SLC6A16: variants seen among roughly 807,000 people sequenced by gnomAD.
The protein encoded by SLC6A16 is solute carrier family 6 member 16.
SLC6A16 carries 54 observed loss-of-function variants against 65.4 expected under a neutral mutation model. The ratio of observed to expected loss-of-function variants is 0.83; its 90% CI spans 0.66 to 1.04. The LOEUF (loss-of-function observed/expected upper bound fraction) is 1.04, where lower values mean the gene tolerates loss of function less well. Among genes scored for constraint, SLC6A16 ranks in the 50% least tolerant of loss-of-function variants. The pLI is 0.00. For missense variants in SLC6A16, 816 were observed against 914.0 expected (o/e 0.89, Z 1.38); for synonymous variants, 330 against 346.5 (o/e 0.95, Z 0.53).
the SLC6A16 span, chr19:49,335,976 A>G: frequency 1.6e-6 from 1 of 617,050 alleles, no homozygotes; most frequent in Non-Finnish European, 2.9e-6. This position sits in a 1 kb window ranked among gnomAD's most constrained non-coding sequence, Gnocchi z 4.6. Context: ...ACAAACAACA[A>G]TGATCATGAG....
chr19:49,339,181 G>T, the SLC6A16 span: 3 of 749,880 alleles, frequency 4.0e-6, no homozygotes, highest in South Asian at 5.0e-5. The surrounding 1 kb of genome is among the most constrained non-coding windows in gnomAD (Gnocchi z 4.5). Flanking sequence ...GGTGAAGCGA[G>T]GGTGCACTAG....
At chr19:49,322,816 G>GC in intron 1 of SLC6A16, among the ~76,000 whole-genome samples, 2 of 75,192 alleles carry the variant, frequency 2.7e-5, no homozygotes, top group African/African-American at 8.7e-5. Context: ...AGAATTAGTA[G>GC]CTTTTTTTTT....
chr19:49,327,042 G>C (rs567884269), upstream of SLC6A16, among the ~76,000 whole-genome samples: 4 of 149,692 alleles, frequency 2.7e-5, no homozygotes, highest in East Asian at 7.8e-4. Context: ...AAAGTGCTGC[G>C]ACAGAAAAGG....
intron 8 of SLC6A16, 72 bp downstream of exon 8, chr19:49,294,294 TA>T (rs1337099275): frequency 6.8e-7 from 1 of 1,460,254 alleles, no homozygotes; most frequent in Non-Finnish European, 9.4e-7. Context: ...CTGGTGCTAA[TA>T]AAAGCTAAAA....
chr19:49,339,723 C>A, the SLC6A16 span: 2 of 1,400,288 alleles, frequency 1.4e-6, no homozygotes, highest in Non-Finnish European at 1.8e-6. The surrounding 1 kb of genome is among the most constrained non-coding windows in gnomAD (Gnocchi z 4.5). Context: ...GCGAGCCGCA[C>A]GTGCCGGGCG....
At chr19:49,306,917 G>A (rs1970400434) in intron 7 of SLC6A16, among the ~76,000 whole-genome samples, 1 of 152,002 alleles carries the variant, frequency 6.6e-6, no homozygotes, top group Non-Finnish European at 1.5e-5. Context: ...TGACTTTTAT[G>A]ATGGTTACCT....
Position 49,292,971 on chromosome 19 carries a change from T to C in SLC6A16, c.1778+252A>G, listed in dbSNP as rs991425085. Among the ~76,000 whole-genome samples the C allele has an allele frequency of 2.6e-5, 4 of 152,218 alleles. No individual in the cohort carries two copies. The highest frequency in any genetic ancestry group is 9.6e-5 in the African/African-American group (4 of 41,454). On this transcript the variant is annotated intron_variant, in intron 10 of 11. Transcript: ENST00000335875. This position sits in a 1 kb window ranked among gnomAD's most constrained non-coding sequence, Gnocchi z 4.3. ...ATTGTCTCTCTAGACCACTAAAATG[T>C]AAGCTTTCTGAGAATAGGAATACTT...
chr19:49,322,198 G>C (rs1352693941), intron 1 of SLC6A16, among the ~76,000 whole-genome samples: 1 of 152,030 alleles, frequency 6.6e-6, no homozygotes. Context: ...AAAAATTTTT[G>C]AGCTAATAAA....
the SLC6A16 span, chr19:49,335,989 C>T: frequency 5.0e-6 from 3 of 599,770 alleles, no homozygotes; most frequent in Non-Finnish European, 8.9e-6. This position sits in a 1 kb window ranked among gnomAD's most constrained non-coding sequence, Gnocchi z 4.6. Context: ...ATCATGAGAG[C>T]CATTTCTCAA....
intron 1 of SLC6A16, among the ~76,000 whole-genome samples, chr19:49,313,385 G>A (rs1012070667): frequency 1.3e-4 from 20 of 151,926 alleles, no homozygotes; most frequent in Admixed American, 9.2e-4. Flanking sequence ...GGCTGGCCTC[G>A]AACTCCTGTG....
chr19:49,294,093 A>T, intron 8 of SLC6A16, 65 bp from the exon 9 acceptor site: 1 of 1,355,962 alleles, frequency 7.4e-7, no homozygotes, highest in Non-Finnish European at 1.0e-6. Flanking sequence ...AAATATAGAC[A>T]AGTATACATT....
At chr19:49,319,347 C>T (rs944803491) in intron 1 of SLC6A16, among the ~76,000 whole-genome samples, 4 of 151,628 alleles carry the variant, frequency 2.6e-5, no homozygotes, top group Non-Finnish European at 5.9e-5. Flanking sequence ...ATGAGATGAA[C>T]CTGCTGTATG....
At position 49,290,284 on chromosome 19, in the gene SLC6A16, G is replaced by A. The variant is rs771069147; in HGVS notation, c.2050C>T (p.His684Tyr). The A allele has an allele frequency of 1.2e-6, 2 of 1,614,112 alleles. No homozygotes were observed. Among genetic ancestry groups the A allele is most frequent in the South Asian group, 1.1e-5 (1 of 91,084 alleles). The change falls in exon 12 of 12, where the codon CAT becomes TAT. Residue 684 changes from histidine to tyrosine, a missense_variant. His to Tyr is a moderately conservative substitution (Grantham distance 83). Coordinates refer to ENST00000335875, the MANE Select transcript of SLC6A16 (RefSeq NM_014037.3). ...CTCTTGGGCCTGAAGGGAATCCTAT[G>A]TATGCGGCAGTATACAAAGTATGCA... ...IPAYFVYCRI[H>Y]RIPFRPKSGD...
Position 49,293,863 on chromosome 19 carries a change from A to G in SLC6A16, c.1582T>C (p.Phe528Leu). Residue 528 changes from phenylalanine to leucine, a missense_variant, in exon 9 of 12, where the codon TTC (phenylalanine) becomes CTC (leucine). By Grantham distance (22) the Phe-to-Leu change is conservative. Coordinates refer to ENST00000335875, the MANE Select transcript of SLC6A16 (RefSeq NM_014037.3). ...TTTGTATGTTTCCTGAAGAAAGAGA[A>G]GGTGTCCTGGAGTGGAGTAATGATG... ...QGIITPLQDT[F>L]SFFRKHTKLL... The G allele has an allele frequency of 6.2e-7, 1 of 1,614,084 alleles. No homozygotes were observed. Among genetic ancestry groups the G allele is most frequent in the South Asian group, 1.1e-5 (1 of 91,080 alleles).
the SLC6A16 span, chr19:49,335,700 TCTC>T: frequency 6.2e-7 from 1 of 1,613,768 alleles, no homozygotes. The surrounding 1 kb of genome is among the most constrained non-coding windows in gnomAD (Gnocchi z 4.6). Context: ...CGTATCCGCA[TCTC>T]CTCTCCCCAG....
At chr19:49,333,429 C>T in the SLC6A16 span, among the ~76,000 whole-genome samples, 1 of 152,192 alleles carries the variant, frequency 6.6e-6, no homozygotes, top group East Asian at 1.9e-4. Flanking sequence ...GCTGATTGCA[C>T]CACTGTACTC....
the SLC6A16 span, chr19:49,340,030 CCTT>C: frequency 1.3e-6 from 2 of 1,483,578 alleles, no homozygotes; most frequent in African/African-American, 1.4e-5. Context: ...CGACCTTACT[CCTT>C]CTCAGCCTCT....
At chr19:49,339,086 G>A in the SLC6A16 span, 1 of 720,864 alleles carries the variant, frequency 1.4e-6, no homozygotes, top group Non-Finnish European at 2.3e-6. This position sits in a 1 kb window ranked among gnomAD's most constrained non-coding sequence, Gnocchi z 4.5. Flanking sequence ...GAAGGGGGCG[G>A]GGTCTGCAGG....
rs556459129 is a variant in SLC6A16 at position 49,311,891 on chromosome 19, G to C, written c.-64-480C>G. On this transcript the variant is annotated intron_variant, in intron 1 of 11. Coordinates refer to ENST00000335875, the MANE Select transcript of SLC6A16 (RefSeq NM_014037.3). ...AAAAAAGAAATGTTTTCTTGTACAG[G>C]ATAGGGATAGAGACAGACATACCCA... Among the ~76,000 whole-genome samples, 3 of 150,838 alleles carry C rather than the reference G, an allele frequency of 2.0e-5. No individual in the cohort carries two copies. In the East Asian group the frequency reaches 5.8e-4, roughly 29 times the overall value.
Sources: allele counts gnomAD v4.1 joint callset (sites outside exome capture counted in the v4.1 genomes callset), GRCh38; gene constraint gnomAD v4.1.1; non-coding constraint Gnocchi (gnomAD v3.1); transcripts MANE v1.5; gene names NCBI Gene and HGNC (gene_info 2026-07-23, HGNC 2026-07-21).